The following MPPED2 variants were observed in gnomAD, a reference collection of about 807,000 sequenced individuals.
MPPED2 encodes metallophosphoesterase MPPED2.
In MPPED2, 5 loss-of-function variants were observed where a neutral mutation model predicts 33.0. That is an observed-to-expected ratio of 0.15 (90% confidence interval 0.08 to 0.32). The LOEUF is 0.32. Ranked by LOEUF, MPPED2 falls within the 10% of genes least tolerant of loss-of-function variation. The pLI, the probability that MPPED2 is intolerant of heterozygous loss-of-function variation, is 1.00. For missense variants in MPPED2, 275 were observed against 372.1 expected (o/e 0.74, Z 2.15); for synonymous variants, 136 against 141.9 (o/e 0.96, Z 0.29).
At chr11:30,529,736 T>C (rs570620097) in intron 3 of MPPED2, among the ~76,000 whole-genome samples, 1 of 152,296 alleles carries the variant, frequency 6.6e-6, no homozygotes, top group African/African-American at 2.4e-5. Context: ...TCCAAAACTT[T>C]GGGCCAATAG....
intron 2 of MPPED2, among the ~76,000 whole-genome samples, chr11:30,544,110 T>C (rs929562043): frequency 1.3e-5 from 2 of 152,192 alleles, no homozygotes; most frequent in Non-Finnish European, 2.9e-5. Flanking sequence ...CTTTGAGCAC[T>C]GCATGCAATA....
intron 2 of MPPED2, among the ~76,000 whole-genome samples, chr11:30,547,406 GC>G (rs1955479098): frequency 6.6e-6 from 1 of 152,122 alleles, no homozygotes; most frequent in Non-Finnish European, 1.5e-5. Context: ...TGTGCCAGGG[GC>G]TTTTTCTAAA....
chr11:30,512,766 G>A (rs576170472), intron 3 of MPPED2, among the ~76,000 whole-genome samples: 9 of 152,268 alleles, frequency 5.9e-5, no homozygotes, highest in East Asian at 1.9e-4. Context: ...TTTGGAAGGT[G>A]GAGGCGGGCT....
At chr11:30,579,464 C>T (rs1957071526) in intron 2 of MPPED2, among the ~76,000 whole-genome samples, 1 of 152,136 alleles carries the variant, frequency 6.6e-6, no homozygotes, top group Non-Finnish European at 1.5e-5. Context: ...GAGATGGTGA[C>T]CTTTTGCTCC....
intron 2 of MPPED2, among the ~76,000 whole-genome samples, chr11:30,568,150 C>T (rs1956528260): frequency 1.3e-5 from 2 of 152,198 alleles, no homozygotes; most frequent in Admixed American, 6.5e-5. Context: ...GGGCACTAAG[C>T]ATTATCTTCT....
chr11:30,550,963 C>T (rs545116557), intron 2 of MPPED2, among the ~76,000 whole-genome samples: 1 of 152,272 alleles, frequency 6.6e-6, no homozygotes, highest in South Asian at 2.1e-4. Flanking sequence ...CCTGCTATTC[C>T]CTTCCATCTT....
At chr11:30,484,204 G>C (rs760881149) in intron 4 of MPPED2, among the ~76,000 whole-genome samples, 1 of 151,742 alleles carries the variant, frequency 6.6e-6, no homozygotes, top group Non-Finnish European at 1.5e-5. Flanking sequence ...AATATCACTG[G>C]CACCTTCAGA....
At chr11:30,531,569 C>T (rs1461280467) in intron 3 of MPPED2, among the ~76,000 whole-genome samples, 1 of 152,160 alleles carries the variant, frequency 6.6e-6, no homozygotes, top group Non-Finnish European at 1.5e-5. Context: ...GACGATATTT[C>T]CAGGCTACCA....
At chr11:30,442,783 G>T (rs1389964917) in intron 4 of MPPED2, among the ~76,000 whole-genome samples, 1 of 152,216 alleles carries the variant, frequency 6.6e-6, no homozygotes, top group Non-Finnish European at 1.5e-5. Flanking sequence ...GCTGAAGGAG[G>T]AGGATAGCTT....
intron 4 of MPPED2, among the ~76,000 whole-genome samples, chr11:30,487,598 A>G (rs528240118): frequency 1.3e-5 from 2 of 152,170 alleles, no homozygotes; most frequent in East Asian, 3.9e-4. Context: ...CTCCTGCCTC[A>G]ACCTCCCAAG....
chr11:30,542,879 C>T (rs1210507092), intron 2 of MPPED2, among the ~76,000 whole-genome samples: 2 of 152,120 alleles, frequency 1.3e-5, no homozygotes, highest in Non-Finnish European at 2.9e-5. Flanking sequence ...AATATACCTG[C>T]ACTTGGAGAA....
intron 4 of MPPED2, among the ~76,000 whole-genome samples, chr11:30,457,302 T>C (rs936039381): frequency 4.0e-5 from 6 of 151,496 alleles, no homozygotes; most frequent in African/African-American, 1.2e-4. Flanking sequence ...TCCTTACTGA[T>C]GTCATAAGCC....
At chr11:30,572,233 C>T (rs1304718049) in intron 2 of MPPED2, among the ~76,000 whole-genome samples, 3 of 152,080 alleles carry the variant, frequency 2.0e-5, no homozygotes, top group Non-Finnish European at 4.4e-5. Flanking sequence ...TCCAATTATG[C>T]AACATACAGC....
intron 3 of MPPED2, among the ~76,000 whole-genome samples, chr11:30,516,044 C>A (rs975166653): frequency 2.0e-5 from 3 of 152,142 alleles, no homozygotes; most frequent in Non-Finnish European, 4.4e-5. Context: ...AGTAACCACA[C>A]CCCTACCCCA....
chr11:30,491,437 C>A, intron 4 of MPPED2, among the ~76,000 whole-genome samples: 1 of 152,132 alleles, frequency 6.6e-6, no homozygotes, highest in East Asian at 1.9e-4. Context: ...TAATCTCACT[C>A]CTAGTCCCAT....
intron 4 of MPPED2, among the ~76,000 whole-genome samples, chr11:30,471,264 C>T (rs144607870): frequency 2.0e-4 from 30 of 152,322 alleles, no homozygotes; most frequent in Non-Finnish European, 3.7e-4. Context: ...TCACTTCCTT[C>T]CCATTCCCTT....
chr11:30,568,032 C>G (rs999999014), intron 2 of MPPED2, among the ~76,000 whole-genome samples: 1 of 152,168 alleles, frequency 6.6e-6, no homozygotes, highest in Non-Finnish European at 1.5e-5. Flanking sequence ...ACTATTAAAA[C>G]TGCAGAAGCT....
intron 6 of MPPED2, among the ~76,000 whole-genome samples, chr11:30,395,137 A>G (rs754465388): frequency 6.6e-6 from 1 of 152,166 alleles, no homozygotes; most frequent in Non-Finnish European, 1.5e-5. Context: ...TGAAGCCTCC[A>G]ACTTTGTTTC....
intron 4 of MPPED2, among the ~76,000 whole-genome samples, chr11:30,483,896 A>T (rs1331882712): frequency 6.6e-6 from 1 of 152,162 alleles, no homozygotes; most frequent in African/African-American, 2.4e-5. Context: ...ATGTAGAGAG[A>T]AAAACAATAA....
Sources: gnomAD v4.1 joint callset for allele counts (sites outside exome capture counted in the v4.1 genomes callset) on GRCh38, gnomAD v4.1.1 for gene constraint, MANE v1.5 for transcripts, NCBI Gene and HGNC (gene_info 2026-07-23, HGNC 2026-07-21) for gene names.